Variants in C16orf95 observed in about 807,000 individuals in gnomAD.
C16orf95 encodes the protein uncharacterized protein C16orf95.
Under a neutral mutation model 32.1 loss-of-function variants are expected in C16orf95, and 41 were observed. The observed-to-expected ratio is 1.28, with a 90% CI of 1.00 to 1.66. The LOEUF (loss-of-function observed/expected upper bound fraction) is 1.66, where lower values mean the gene tolerates loss of function less well. C16orf95 is among the 40% of genes most tolerant of loss of function. The pLI is 0.00. For missense variants in C16orf95, 399 were observed against 325.9 expected (o/e 1.22, Z -1.73); for synonymous variants, 147 against 128.9 (o/e 1.14, Z -0.95).
chr16:87,310,420 G>A, intron 4 of C16orf95, 87 bp from the exon 5 acceptor site: 4 of 1,333,028 alleles, frequency 3.0e-6, no homozygotes, highest in South Asian at 1.3e-5. Context: ...ACCTCCAGGA[G>A]GGGCACTGGC....
chr16:87,317,008 G>A, intron 1 of C16orf95, 83 bp downstream of exon 1: 1 of 1,430,908 alleles, frequency 7.0e-7, no homozygotes, highest in Non-Finnish European at 9.2e-7. Flanking sequence ...TTCTGCCTGT[G>A]CATAGGTCAT....
rs954155426 is a variant in C16orf95 at position 87,317,129 on chromosome 16, G to C, written c.114C>G (p.Leu38=). 2.0e-6 allele frequency: 3 copies of C among 1,533,782 alleles called. No individual in the cohort carries two copies. Among genetic ancestry groups the C allele is most frequent in the South Asian group, 2.4e-5 (2 of 83,698 alleles). The change falls in exon 1 of 7, where the codon CTC becomes CTG. Residue 38 remains leucine (L), a synonymous_variant. Transcript: ENST00000567970. ...CGCTGGGTGTGAGTGCCAACCTGCA[G>C]AGCCCGACGCACCCCGCGCCCGGCC... ...AGGPGAGCVG[L]CRLALTPSAQ...
chr16:87,307,370 A>G (rs1423541060), intron 5 of C16orf95, among the ~76,000 whole-genome samples: 1 of 152,234 alleles, frequency 6.6e-6, no homozygotes. Flanking sequence ...AGACAGATCA[A>G]TCTACATACC....
chr16:87,306,005 GGGACTTCCA>G lies in C16orf95; in HGVS notation c.515-109_515-101del. 11 of 931,052 alleles carry G rather than the reference GGGACTTCCA, an allele frequency of 1.2e-5. No individual in the cohort carries two copies. The South Asian group carries it at 2.4e-4, about 20-fold the overall frequency. 57.7% of individuals were successfully genotyped at this position (931,052 alleles called of 1,614,324 possible). A position where few individuals can be genotyped will look rare whatever the true frequency, so the allele number is the denominator to read the frequency against. Reference sequence around the variant, plus strand: ...CCAGCCCCAGAGCCTCCGGGAAATGGGGACTTCCAGGACCCAGCCACAGCCCCGGGGTGG... The same window carrying G: ...CCAGCCCCAGAGCCTCCGGGAAATGGGGACCCAGCCACAGCCCCGGGGTGG... On this transcript the variant is annotated intron_variant, in intron 5 of 6. Transcript: ENST00000567970.
chr16:87,309,002 G>A (rs930303677), intron 5 of C16orf95, among the ~76,000 whole-genome samples: 8 of 152,210 alleles, frequency 5.3e-5, no homozygotes, highest in African/African-American at 1.9e-4. Flanking sequence ...TGGATGGGCT[G>A]GCGATGCAGG....
chr16:87,316,964 TGTAA>T, intron 1 of C16orf95, 123 bp downstream of exon 1: 1 of 1,368,898 alleles, frequency 7.3e-7, no homozygotes, highest in Non-Finnish European at 9.5e-7. Context: ...GTTAAGCCAA[TGTAA>T]GTGAGGTTCC....
chr16:87,305,971 G>T lies in C16orf95; in HGVS notation c.515-66C>A. The T allele has an allele frequency of 8.0e-7, 1 of 1,255,604 alleles. No homozygotes were observed. Among genetic ancestry groups the T allele is most frequent in the Non-Finnish European group, 1.0e-6 (1 of 968,052 alleles). 77.8% of individuals were successfully genotyped at this position (1,255,604 alleles called of 1,614,324 possible). On this transcript the variant is annotated intron_variant, in intron 5 of 6. Transcript: ENST00000567970. The surrounding 1 kb of genome is among the most constrained non-coding windows in gnomAD (Gnocchi z 4.2). ...CCGGGACTCTGTGAGCCACGAGGAG[G>T]CTGCAACACCAGCCCCAGAGCCTCC...
chr16:87,305,697 C>T lies in C16orf95; in HGVS notation c.701+22G>A. 1 of 1,480,884 alleles carries T rather than the reference C, an allele frequency of 6.8e-7. No homozygotes were observed. Among genetic ancestry groups the T allele is most frequent in the Non-Finnish European group, 8.9e-7 (1 of 1,121,120 alleles). The allele number at this position is 1,480,884 out of a possible 1,614,324, so 91.7% of individuals were successfully genotyped here. A position where few individuals can be genotyped will look rare whatever the true frequency, so the allele number is the denominator to read the frequency against. On this transcript the variant is annotated intron_variant, in intron 6 of 6. Transcript: ENST00000567970. The surrounding 1 kb of genome is among the most constrained non-coding windows in gnomAD (Gnocchi z 4.2). ...TCACCATGCCAGGGCCACCCACTGT[C>T]CCCCATCCCCCACCTGCTCACCGAA...
rs1182141832 is a variant in C16orf95 at position 87,317,275 on chromosome 16, C to T, written c.-33G>A. On this transcript the variant is annotated 5_prime_UTR_variant, in exon 1 of 7. It adds an upstream start codon to the 5' untranslated region. Coordinates refer to ENST00000567970, the MANE Select transcript of C16orf95 (RefSeq NM_001195124.3). ...CTTATGGCTGACGCGCCCTTTCACA[C>T]ACACATCGTCCGCAGGCCCTGACGC... 10 of 1,483,398 alleles carry T rather than the reference C, an allele frequency of 6.7e-6. No individual in the cohort carries two copies. The highest frequency in any genetic ancestry group is 8.1e-6 in the Non-Finnish European group (9 of 1,116,336). 91.9% of individuals were successfully genotyped at this position (1,483,398 alleles called of 1,614,324 possible).
intron 4 of C16orf95, 69 bp from the exon 5 acceptor site, chr16:87,310,402 G>T (rs1264820838): frequency 6.8e-7 from 1 of 1,475,072 alleles, no homozygotes; most frequent in African/African-American, 1.4e-5. Flanking sequence ...TGGTGATTGG[G>T]ACTCCAAACC....
intron 5 of C16orf95, among the ~76,000 whole-genome samples, chr16:87,308,908 G>A (rs1911147061): frequency 6.6e-6 from 1 of 152,222 alleles, no homozygotes; most frequent in African/African-American, 2.4e-5. Context: ...TGTCTACGCT[G>A]TTGGCTAGTG....
At chr16:87,303,259 A>C in intron 6 of C16orf95, 184 bp from the exon 7 acceptor site, 2 of 587,108 alleles carry the variant, frequency 3.4e-6, no homozygotes, top group South Asian at 2.1e-5. Context: ...TCCTGGCCAT[A>C]TCGCTTTCCA....
intron 5 of C16orf95, among the ~76,000 whole-genome samples, chr16:87,307,908 C>G (rs749168113): frequency 8.5e-5 from 13 of 152,356 alleles, no homozygotes; most frequent in Non-Finnish European, 1.9e-4. Flanking sequence ...TTAACCACAT[C>G]AATGCAGTCT....
intron 5 of C16orf95, among the ~76,000 whole-genome samples, chr16:87,309,377 T>C (rs56235585): frequency 4.9e-5 from 3 of 61,572 alleles, no homozygotes; most frequent in African/African-American, 1.3e-4. Flanking sequence ...CTTTTCTTTT[T>C]TTTTTTTTTT....
chr16:87,311,433 C>T (rs1469152236), intron 3 of C16orf95, 137 bp from the exon 4 acceptor site: 3 of 851,316 alleles, frequency 3.5e-6, no homozygotes, highest in Admixed American at 2.8e-5. Context: ...GAGAGCTGTT[C>T]CCACCCACAA....
At position 87,313,760 on chromosome 16, in the gene C16orf95, G is replaced by C. The variant is rs367915472; in HGVS notation, c.330+1211C>G. Among the ~76,000 whole-genome samples, 32 of 152,228 alleles carry C rather than the reference G, an allele frequency of 2.1e-4. 1 individual carries two copies. Among genetic ancestry groups the C allele is most frequent in the African/African-American group, 7.7e-4 (32 of 41,532 alleles). On this transcript the variant is annotated intron_variant, in intron 3 of 6. Coordinates refer to ENST00000567970, the MANE Select transcript of C16orf95 (RefSeq NM_001195124.3). Reference sequence around the variant, plus strand: ...GAAAGGCAGGCCAAAGACATGGAAAGACATTTACAAATTGAATCTCGGATC... The same window carrying C: ...GAAAGGCAGGCCAAAGACATGGAAACACATTTACAAATTGAATCTCGGATC...
intron 4 of C16orf95, 48 bp from the exon 5 acceptor site, chr16:87,310,381 G>A: frequency 2.0e-6 from 3 of 1,529,408 alleles, no homozygotes; most frequent in Non-Finnish European, 2.6e-6. Context: ...GACCCTCCAA[G>A]GGGGAAGGCC....
Position 87,305,579 on chromosome 16 carries a change from TCA to T in C16orf95, c.701+138_701+139del. 1 of 622,220 alleles carries T rather than the reference TCA, an allele frequency of 1.6e-6. No homozygotes were observed. Among genetic ancestry groups the T allele is most frequent in the Non-Finnish European group, 2.5e-6 (1 of 399,792 alleles). The allele number at this position is 622,220 out of a possible 1,614,324, so 38.5% of individuals were successfully genotyped here. A position where few individuals can be genotyped will look rare whatever the true frequency, so the allele number is the denominator to read the frequency against. On this transcript the variant is annotated intron_variant, in intron 6 of 6. Coordinates refer to ENST00000567970, the MANE Select transcript of C16orf95 (RefSeq NM_001195124.3). The surrounding 1 kb of genome is among the most constrained non-coding windows in gnomAD (Gnocchi z 4.2). ...CTGTGCAGAGCACCACAGGACACAC[TCA>T]CAGTGCCGGGCCTTGGACGCCTGTC...
chr16:87,312,981 T>C (rs1406570219), intron 3 of C16orf95, among the ~76,000 whole-genome samples: 3 of 152,120 alleles, frequency 2.0e-5, no homozygotes, highest in East Asian at 3.8e-4. Flanking sequence ...GTAAAGCCTA[T>C]ATAATAAGAG....
Sources: allele counts gnomAD v4.1 joint callset (sites outside exome capture counted in the v4.1 genomes callset), GRCh38; gene constraint gnomAD v4.1.1; non-coding constraint Gnocchi (gnomAD v3.1); transcripts MANE v1.5; gene names NCBI Gene and HGNC (gene_info 2026-07-23, HGNC 2026-07-21).